Variants in STARD13 observed in about 807,000 individuals in gnomAD.
STARD13 encodes StAR related lipid transfer domain containing 13, also known as stAR-related lipid transfer protein 13.
STARD13 carries 62 observed loss-of-function variants against 106.4 expected under a neutral mutation model. The observed-to-expected ratio is 0.58, with a 90% CI of 0.48 to 0.72. The LOEUF is 0.72. STARD13 is among the 30% of genes least tolerant of loss of function. The pLI is 0.00. For missense variants in STARD13, 1,387 were observed against 1,424.0 expected (o/e 0.97, Z 0.42); for synonymous variants, 565 against 553.0 (o/e 1.02, Z -0.31).
the STARD13 span, among the ~76,000 whole-genome samples, chr13:33,590,451 A>G: frequency 5.9e-5 from 9 of 152,084 alleles, no homozygotes; most frequent in South Asian, 1.0e-3. Flanking sequence ...AACCAACCCA[A>G]ATGTCCATCA....
At chr13:33,273,284 G>A (rs1194868379) in intron 1 of STARD13, among the ~76,000 whole-genome samples, 1 of 152,176 alleles carries the variant, frequency 6.6e-6, no homozygotes, top group Non-Finnish European at 1.5e-5. Context: ...CACTACACTG[G>A]TGAAGGAATT....
At chr13:33,377,876 T>G in the STARD13 span, among the ~76,000 whole-genome samples, 1 of 152,168 alleles carries the variant, frequency 6.6e-6, no homozygotes, top group Non-Finnish European at 1.5e-5. Context: ...CAGGAATTGA[T>G]TGAATGGGTA....
At chr13:33,267,415 A>G (rs1453949398) in intron 1 of STARD13, among the ~76,000 whole-genome samples, 1 of 152,184 alleles carries the variant, frequency 6.6e-6, no homozygotes, top group Non-Finnish European at 1.5e-5. Context: ...AACAGCTATC[A>G]TGAGAACTGA....
chr13:33,664,100 C>G, the STARD13 span, among the ~76,000 whole-genome samples: 2 of 152,128 alleles, frequency 1.3e-5, no homozygotes, highest in Non-Finnish European at 2.9e-5. Flanking sequence ...TTCCTAGATC[C>G]AAGTAACCAC....
chr13:33,340,969 T>C (rs372892658), intron 1 of STARD13, among the ~76,000 whole-genome samples: 20 of 152,336 alleles, frequency 1.3e-4, no homozygotes, highest in African/African-American at 4.6e-4. Flanking sequence ...TGCTATTTCA[T>C]GGCTCAATAA....
At chr13:33,233,113 G>C (rs548290327) in intron 1 of STARD13, among the ~76,000 whole-genome samples, 3 of 152,346 alleles carry the variant, frequency 2.0e-5, no homozygotes, top group South Asian at 4.1e-4. Context: ...TCAGCAGATA[G>C]GGGCAGGTAC....
intron 3 of STARD13, among the ~76,000 whole-genome samples, chr13:33,163,170 G>A (rs1246067186): frequency 1.3e-5 from 2 of 152,150 alleles, no homozygotes. Flanking sequence ...GAACAGTATG[G>A]AGGAAACCGC....
the STARD13 span, among the ~76,000 whole-genome samples, chr13:33,578,320 A>C: frequency 7.2e-5 from 11 of 152,208 alleles, no homozygotes; most frequent in African/African-American, 2.6e-4. Context: ...TCAATGGAGT[A>C]GAATATAGAA....
At chr13:33,465,609 AT>A in the STARD13 span, among the ~76,000 whole-genome samples, 1 of 152,146 alleles carries the variant, frequency 6.6e-6, no homozygotes, top group Non-Finnish European at 1.5e-5. Context: ...GGCATTCAGG[AT>A]GGGACTTACA....
chr13:33,279,294 T>C lies in STARD13; in HGVS notation c.169+6176A>G, dbSNP rs73468156. 6.7e-3 allele frequency among the ~76,000 whole-genome samples: 1,028 copies of C among 152,334 alleles called. 8 individuals carry two copies. The highest frequency in any genetic ancestry group is 0.023 in the African/African-American group (977 of 41,590). On this transcript the variant is annotated intron_variant, in intron 1 of 13. Transcript: ENST00000336934. ...TAAGACCACTAGCAGTGACTGTTTT[T>C]TCTAACTTGTGTTTCTGTGTTCATG... is the stretch of plus-strand genomic sequence containing the variant.
chr13:33,278,645 G>A (rs1052494559), intron 1 of STARD13: 3 of 152,160 alleles, frequency 2.0e-5, no homozygotes, highest in African/African-American at 7.2e-5. Context: ...CTCCCAAAGA[G>A]CAAGTCCCAG....
the STARD13 span, among the ~76,000 whole-genome samples, chr13:33,409,791 C>T: frequency 6.6e-6 from 1 of 152,200 alleles, no homozygotes; most frequent in African/African-American, 2.4e-5. Context: ...CACTAACATC[C>T]TTCTGGGAAT....
At chr13:33,289,396 A>C (rs1210292902), upstream of STARD13, among the ~76,000 whole-genome samples, 2 of 152,212 alleles carry the variant, frequency 1.3e-5, no homozygotes, top group Non-Finnish European at 2.9e-5. Context: ...TGAAGCCTTC[A>C]TGGCTTCACA....
chr13:33,484,326 C>G, the STARD13 span, among the ~76,000 whole-genome samples: 1 of 152,226 alleles, frequency 6.6e-6, no homozygotes, highest in African/African-American at 2.4e-5. Flanking sequence ...AAATGATTGC[C>G]AGCCATTGTT....
At position 33,270,691 on chromosome 13, in the gene STARD13, T is replaced by C. The variant is rs1282351882; in HGVS notation, c.169+14779A>G. ...ATACAAATTAGGTCTCTCCCTCTAC[T>C]GGGAACATAAGTGTTCTACTTAAGG... On this transcript the variant is annotated intron_variant, in intron 1 of 13. Transcript: ENST00000336934. Among the ~76,000 whole-genome samples, 3 of 152,184 alleles carry C rather than the reference T, an allele frequency of 2.0e-5. No individual in the cohort carries two copies. The East Asian group carries it at 5.8e-4, about 29-fold the overall frequency.
At position 33,220,466 on chromosome 13, in the gene STARD13, G is replaced by A. The variant is rs1339460895; in HGVS notation, c.170-52844C>T. ...CCAGCACTTTGGGAGGCTGAGGCAGGTGGATCATGAGGTCAGGAGTTCGAG... is the reference window on the plus strand; with the variant it reads ...CCAGCACTTTGGGAGGCTGAGGCAGATGGATCATGAGGTCAGGAGTTCGAG... On this transcript the variant is annotated intron_variant, in intron 1 of 13. Transcript: ENST00000336934. 1.1e-4 allele frequency among the ~76,000 whole-genome samples: 16 copies of A among 152,180 alleles called. No individual in the cohort carries two copies. The East Asian group carries it at 3.1e-3, about 29-fold the overall frequency.
chr13:33,372,061 A>G, the STARD13 span, among the ~76,000 whole-genome samples: 13 of 152,348 alleles, frequency 8.5e-5, no homozygotes, highest in East Asian at 2.5e-3. Flanking sequence ...AATGTAAGCA[A>G]TCAGACAAAT....
Position 33,130,206 on chromosome 13 carries a change from G to T in STARD13, c.471C>A (p.Asp157Glu). 1 of 1,612,442 alleles carries T rather than the reference G, an allele frequency of 6.2e-7. No individual in the cohort carries two copies. Residue 157 changes from aspartate to glutamate, a missense_variant, in exon 5 of 14, where the codon GAC (aspartate) becomes GAA (glutamate). By Grantham distance (45) the Asp-to-Glu change is conservative (BLOSUM62 2). Transcript: ENST00000336934. The surrounding 1 kb of genome is among the most constrained non-coding windows in gnomAD (Gnocchi z 4.1). Reference protein sequence around the residue: ...QRTSRRWSRVDDLYTLLPRGD... With the variant: ...QRTSRRWSRVEDLYTLLPRGD... ...CTCGAGGGAGCAGCGTGTAGAGGTC[G>T]TCCACACGAGACCACCTGCGACTGG...
Position 33,325,175 on chromosome 13 carries a change from C to G in STARD13, c.124+25115G>C, listed in dbSNP as rs144929668. 1.2e-3 allele frequency among the ~76,000 whole-genome samples: 178 copies of G among 152,296 alleles called. 4 individuals carry two copies. The East Asian group carries it at 0.027, about 23-fold the overall frequency. On this transcript the variant is annotated intron_variant, in intron 1 of 5. Coordinates refer to the STARD13 transcript ENST00000567873. ...TTGTCATTTTCCCCCCAAATCCTCACTGGCACAACGGTGTTTTTAGTGTAG... is the reference window on the plus strand; with the variant it reads ...TTGTCATTTTCCCCCCAAATCCTCAGTGGCACAACGGTGTTTTTAGTGTAG...
Sources: allele counts gnomAD v4.1 joint callset (sites outside exome capture counted in the v4.1 genomes callset), GRCh38; gene constraint gnomAD v4.1.1; non-coding constraint Gnocchi (gnomAD v3.1); transcripts MANE v1.5; gene names NCBI Gene and HGNC (gene_info 2026-07-23, HGNC 2026-07-21).